The following CTNND2 variants were observed in gnomAD, a reference collection of about 807,000 sequenced individuals.
CTNND2 encodes catenin delta-2.
A neutral mutation model predicts 144.4 loss-of-function variants in CTNND2; 22 were observed. The observed-to-expected ratio is 0.15, with a 90% CI of 0.11 to 0.22. The LOEUF (loss-of-function observed/expected upper bound fraction) is 0.22, where lower values mean the gene tolerates loss of function less well. Among genes scored for constraint, CTNND2 ranks in the 10% least tolerant of loss-of-function variants. CTNND2 has a pLI of 1.00. For synonymous variants in CTNND2, 751 were observed against 695.6 expected (o/e 1.08, Z -1.25); for missense variants, 1,353 against 1,618.8 (o/e 0.84, Z 2.82).
intron 1 of CTNND2, among the ~76,000 whole-genome samples, chr5:11,814,280 C>T (rs943868953): frequency 6.6e-6 from 1 of 152,172 alleles, no homozygotes; most frequent in African/African-American, 2.4e-5. Context: ...AGAGAGCAAT[C>T]ATGAATCTCA....
At chr5:11,791,746 T>G (rs537657390) in intron 1 of CTNND2, among the ~76,000 whole-genome samples, 3 of 152,328 alleles carry the variant, frequency 2.0e-5, no homozygotes, top group African/African-American at 7.2e-5. Flanking sequence ...AGAATTAACA[T>G]TTATCCTATT....
chr5:11,876,228 G>C (rs1252425489), intron 1 of CTNND2, among the ~76,000 whole-genome samples: 1 of 148,188 alleles, frequency 6.7e-6, no homozygotes, highest in Admixed American at 7.4e-5. Flanking sequence ...GGGAGGAGGC[G>C]GGAGGCAGCA....
chr5:11,285,558 C>A (rs766798524), intron 9 of CTNND2, among the ~76,000 whole-genome samples: 4 of 152,060 alleles, frequency 2.6e-5, no homozygotes, highest in Non-Finnish European at 5.9e-5. Context: ...ATTTGGAGAC[C>A]CAAAAGCCAG....
chr5:11,022,247 A>G (rs1456210872), intron 17 of CTNND2, among the ~76,000 whole-genome samples: 1 of 152,218 alleles, frequency 6.6e-6, no homozygotes, highest in Non-Finnish European at 1.5e-5. Flanking sequence ...ATTGGAAAGT[A>G]TAGGCATAGT....
At chr5:11,140,645 C>T (rs1756633271) in intron 12 of CTNND2, among the ~76,000 whole-genome samples, 1 of 152,142 alleles carries the variant, frequency 6.6e-6, no homozygotes, top group Non-Finnish European at 1.5e-5. Context: ...AAGGAGAGCC[C>T]ATTCACCCCC....
chr5:11,013,789 GC>G (rs989675065), intron 18 of CTNND2, among the ~76,000 whole-genome samples: 1 of 152,170 alleles, frequency 6.6e-6, no homozygotes, highest in African/African-American at 2.4e-5. Flanking sequence ...GGGTTATGCA[GC>G]CCCCTGTCCC....
intron 1 of CTNND2, among the ~76,000 whole-genome samples, chr5:11,780,608 A>G (rs1156295257): frequency 6.6e-6 from 1 of 152,196 alleles, no homozygotes; most frequent in Non-Finnish European, 1.5e-5. Flanking sequence ...GATTGAATCC[A>G]GGGACCCCCA....
intron 10 of CTNND2, among the ~76,000 whole-genome samples, chr5:11,214,358 CCTTT>C (rs1035857839): frequency 3.9e-4 from 59 of 151,946 alleles, no homozygotes; most frequent in African/African-American, 1.3e-3. Flanking sequence ...TATATAAATA[CCTTT>C]GTTTGTATTT....
At chr5:11,792,039 AT>A in intron 1 of CTNND2, among the ~76,000 whole-genome samples, 1 of 152,312 alleles carries the variant, frequency 6.6e-6, no homozygotes, top group Non-Finnish European at 1.5e-5. Flanking sequence ...TCCAAGTCAT[AT>A]GATGAAGCTA....
intron 1 of CTNND2, among the ~76,000 whole-genome samples, chr5:11,819,975 C>A (rs1793224832): frequency 6.6e-6 from 1 of 152,186 alleles, no homozygotes; most frequent in Non-Finnish European, 1.5e-5. Flanking sequence ...CTTTAGCTTT[C>A]TCCTGTATTC....
chr5:11,125,889 G>T (rs1380409148), intron 12 of CTNND2, among the ~76,000 whole-genome samples: 1 of 152,192 alleles, frequency 6.6e-6, no homozygotes, highest in African/African-American at 2.4e-5. Flanking sequence ...ATGTAGGTAA[G>T]ATTCTGTTTT....
rs112971341 is a variant in CTNND2 at position 11,123,839 on chromosome 5, T to C, written c.2160-6272A>G. ...TACTTCTTGAATGGCCATGAAGCCA[T>C]GTGGCTGTCTGCCGTGTGCTATGTG... On this transcript the variant is annotated intron_variant, in intron 12 of 21. Coordinates refer to ENST00000304623, the MANE Select transcript of CTNND2 (RefSeq NM_001332.4). Among the ~76,000 whole-genome samples, 458 of 152,332 alleles carry C rather than the reference T, an allele frequency of 3.0e-3. 4 individuals are homozygous for C. Among genetic ancestry groups the C allele is most frequent in the African/African-American group, 0.01 (432 of 41,568 alleles).
chr5:11,530,644 A>C (rs1221879280), intron 3 of CTNND2, among the ~76,000 whole-genome samples: 1 of 152,194 alleles, frequency 6.6e-6, no homozygotes, highest in Non-Finnish European at 1.5e-5. Context: ...AAAATACTAG[A>C]ATGTGTTATT....
intron 9 of CTNND2, among the ~76,000 whole-genome samples, chr5:11,290,674 C>T (rs904553637): frequency 6.6e-6 from 1 of 152,116 alleles, no homozygotes; most frequent in South Asian, 2.1e-4. Context: ...TCATAGAGAA[C>T]ATCTGTTTTA....
intron 2 of CTNND2, among the ~76,000 whole-genome samples, chr5:11,595,685 A>G (rs1212714682): frequency 3.3e-5 from 5 of 152,106 alleles, no homozygotes; most frequent in African/African-American, 1.2e-4. Context: ...TCAGCTTTAA[A>G]CCCATTGGCA....
rs567596431 is a variant in CTNND2 at position 11,362,157 on chromosome 5, G to A, written c.1372+2539C>T. On this transcript the variant is annotated intron_variant, in intron 8 of 21. Coordinates refer to ENST00000304623, the MANE Select transcript of CTNND2 (RefSeq NM_001332.4). ...CTGTATCAGTGGTCTCCAGGGTAGC[G>A]GTATGTACAACACAGATGACCCCCA... Among the ~76,000 whole-genome samples, 10 of 151,980 alleles carry A rather than the reference G, an allele frequency of 6.6e-5. No homozygotes were observed. In the South Asian group the frequency reaches 1.5e-3, roughly 22 times the overall value.
intron 15 of CTNND2, among the ~76,000 whole-genome samples, chr5:11,088,807 T>C (rs369696824): frequency 1.3e-5 from 2 of 152,212 alleles, no homozygotes; most frequent in Non-Finnish European, 2.9e-5. Context: ...TAGTCTAGTA[T>C]AAATCTAATA....
chr5:11,623,027 T>G (rs1780930488), intron 2 of CTNND2, among the ~76,000 whole-genome samples: 1 of 152,256 alleles, frequency 6.6e-6, no homozygotes, highest in East Asian at 1.9e-4. Flanking sequence ...ACTGGCAAAC[T>G]GTTCCCACTG....
At chr5:11,418,407 AAAAACAAAAC>A (rs1216776635) in intron 3 of CTNND2, among the ~76,000 whole-genome samples, 9 of 152,298 alleles carry the variant, frequency 5.9e-5, no homozygotes, top group Non-Finnish European at 1.0e-4. Flanking sequence ...ACTCCGTCTC[AAAAACAAAAC>A]AAAACAAAAC....
Sources: gnomAD v4.1 joint callset for allele counts (sites outside exome capture counted in the v4.1 genomes callset) on GRCh38, gnomAD v4.1.1 for gene constraint, MANE v1.5 for transcripts, NCBI Gene and HGNC (gene_info 2026-07-23, HGNC 2026-07-21) for gene names.